Variants in PDCD1LG2 observed in about 807,000 individuals in gnomAD.
PDCD1LG2 encodes programmed cell death 1 ligand 2.
A neutral mutation model predicts 28.2 loss-of-function variants in PDCD1LG2; 32 were observed. That is an observed-to-expected ratio of 1.13 (90% CI 0.86 to 1.52). PDCD1LG2 has a LOEUF of 1.52. Among genes scored for constraint, PDCD1LG2 ranks in the 40% most tolerant of loss-of-function variants. The pLI is 0.00. For synonymous variants in PDCD1LG2, 116 were observed against 120.2 expected, an observed-to-expected ratio of 0.97 and a Z score of 0.23; for missense variants, 385 against 323.8, an observed-to-expected ratio of 1.19 and a Z score of -1.45.
At chr9:5,525,143 T>A (rs181343047) in intron 2 of PDCD1LG2, among the ~76,000 whole-genome samples, 47 of 151,886 alleles carry the variant, frequency 3.1e-4, no homozygotes, top group African/African-American at 1.1e-3. Context: ...AGGTCAGGAG[T>A]TCGAGACCAG....
chr9:5,559,612 C>T (rs115580696), intron 5 of PDCD1LG2, among the ~76,000 whole-genome samples: 4 of 152,274 alleles, frequency 2.6e-5, no homozygotes, highest in African/African-American at 7.2e-5. Flanking sequence ...GCTTATTGGC[C>T]GAACTTCACT....
chr9:5,539,753 G>T (rs1302490259), intron 3 of PDCD1LG2, among the ~76,000 whole-genome samples: 1 of 152,164 alleles, frequency 6.6e-6, no homozygotes, highest in African/African-American at 2.4e-5. Context: ...CTAAAAACAA[G>T]AACACCAAGA....
At chr9:5,562,827 G>A (rs1274325673) in intron 5 of PDCD1LG2, among the ~76,000 whole-genome samples, 1 of 152,188 alleles carries the variant, frequency 6.6e-6, no homozygotes, top group African/African-American at 2.4e-5. Context: ...GCAGGCAGAA[G>A]TAGCAGTCAA....
intron 4 of PDCD1LG2, among the ~76,000 whole-genome samples, chr9:5,551,574 C>A (rs187469723): frequency 6.6e-6 from 1 of 152,310 alleles, no homozygotes; most frequent in East Asian, 1.9e-4. Flanking sequence ...CATTGGTTGA[C>A]AGGAATATGA....
chr9:5,563,955 T>C (rs1816616333), intron 6 of PDCD1LG2, among the ~76,000 whole-genome samples: 2 of 152,168 alleles, frequency 1.3e-5, no homozygotes, highest in South Asian at 2.1e-4. Flanking sequence ...CAAATGATAA[T>C]TACATCTACA....
Position 5,568,293 on chromosome 9 carries a change from A to G in PDCD1LG2, c.817-1661A>G, listed in dbSNP as rs548218813. On this transcript the variant is annotated intron_variant, in intron 6 of 6. Coordinates refer to ENST00000397747, the MANE Select transcript of PDCD1LG2 (RefSeq NM_025239.4). ...TGGCCTGTTAGGAACTGAGCCACACAGCAGGAGGTGAGCGGGAGACAAGCG... is the reference window on the plus strand; with the variant it reads ...TGGCCTGTTAGGAACTGAGCCACACGGCAGGAGGTGAGCGGGAGACAAGCG... 1.6e-4 allele frequency among the ~76,000 whole-genome samples: 24 copies of G among 152,338 alleles called. 1 individual carries two copies. The South Asian group carries it at 4.8e-3, about 30-fold the overall frequency.
intron 3 of PDCD1LG2, among the ~76,000 whole-genome samples, chr9:5,538,793 G>A (rs12344350): frequency 0.05 from 7,567 of 151,860 alleles, 613 homozygotes; most frequent in African/African-American, 0.17. Context: ...GAAGTTATGT[G>A]CACCTTCTTT....
chr9:5,544,778 G>GGTCT (rs1820760307), intron 3 of PDCD1LG2, among the ~76,000 whole-genome samples: 1 of 152,272 alleles, frequency 6.6e-6, no homozygotes, highest in African/African-American at 2.4e-5. Context: ...AGTGCTAAGG[G>GGTCT]GTCTGTTATT....
At chr9:5,548,544 A>C (rs1816258126) in intron 3 of PDCD1LG2, among the ~76,000 whole-genome samples, 1 of 152,198 alleles carries the variant, frequency 6.6e-6, no homozygotes, top group Non-Finnish European at 1.5e-5. Flanking sequence ...TCATGTGGTC[A>C]TTCTATTTTT....
At chr9:5,563,077 A>T (rs1586821490) in intron 5 of PDCD1LG2, 85 bp from the exon 6 acceptor site, 1 of 1,110,324 alleles carries the variant, frequency 9.0e-7, no homozygotes, top group Non-Finnish European at 1.3e-6. Context: ...ATTTAGATTT[A>T]CTTTTTGTCC....
At chr9:5,514,433 T>G (rs1820117348) in intron 1 of PDCD1LG2, among the ~76,000 whole-genome samples, 1 of 152,176 alleles carries the variant, frequency 6.6e-6, no homozygotes, top group Non-Finnish European at 1.5e-5. Flanking sequence ...TACCATCATT[T>G]CTGATCCTCT....
chr9:5,569,291 C>T lies in PDCD1LG2; in HGVS notation c.817-663C>T, dbSNP rs1816725809. Among the ~76,000 whole-genome samples, 1 of 152,108 alleles carries T rather than the reference C, an allele frequency of 6.6e-6. No homozygotes were observed. The highest frequency in any genetic ancestry group is 2.4e-5 in the African/African-American group (1 of 41,410). ...AAGGGATACTGAGCATGCCAGGATG[C>T]AAGAGCAGGCAGGGAAGGTGACTAT... On this transcript the variant is annotated intron_variant, in intron 6 of 6. Transcript: ENST00000397747. This position sits in a 1 kb window ranked among gnomAD's most constrained non-coding sequence, Gnocchi z 4.1.
chr9:5,532,924 T>A lies in PDCD1LG2; in HGVS notation c.56-1821T>A, dbSNP rs914526534. 1.3e-4 allele frequency among the ~76,000 whole-genome samples: 20 copies of A among 152,264 alleles called. No homozygotes were observed. The East Asian group carries it at 3.9e-3, about 29-fold the overall frequency. ...ACTGAGAGGTAGAGTTCAACCTCAT[T>A]TTATAGATAAAGAGGCTGAAGCTCA... On this transcript the variant is annotated intron_variant, in intron 2 of 6. Transcript: ENST00000397747.
intron 2 of PDCD1LG2, among the ~76,000 whole-genome samples, chr9:5,525,815 A>G (rs765311086): frequency 1.2e-4 from 19 of 152,068 alleles, no homozygotes; most frequent in South Asian, 6.2e-4. Flanking sequence ...TTGGGAGGCC[A>G]AGGTGGGCAG....
At chr9:5,559,132 C>T (rs968657017) in intron 5 of PDCD1LG2, among the ~76,000 whole-genome samples, 2 of 152,164 alleles carry the variant, frequency 1.3e-5, no homozygotes, top group African/African-American at 4.8e-5. Flanking sequence ...TGGAGTCACA[C>T]TCAAAGATAG....
chr9:5,526,225 C>T (rs558150562), intron 2 of PDCD1LG2, among the ~76,000 whole-genome samples: 1 of 152,182 alleles, frequency 6.6e-6, no homozygotes, highest in African/African-American at 2.4e-5. Context: ...TTAAAGCTTT[C>T]TGTTGTAAAA....
chr9:5,525,583 T>C (rs1459803717), intron 2 of PDCD1LG2, among the ~76,000 whole-genome samples: 2 of 151,780 alleles, frequency 1.3e-5, no homozygotes, highest in Admixed American at 1.3e-4. Flanking sequence ...TTATATAGCA[T>C]GTAGATAAAT....
intron 2 of PDCD1LG2, among the ~76,000 whole-genome samples, chr9:5,532,683 T>G (rs1820505347): frequency 6.6e-6 from 1 of 152,136 alleles, no homozygotes; most frequent in Non-Finnish European, 1.5e-5. Flanking sequence ...AACCCAAAAG[T>G]TACTTATACT....
chr9:5,529,071 G>C (rs1243923197), intron 2 of PDCD1LG2, among the ~76,000 whole-genome samples: 6 of 152,156 alleles, frequency 3.9e-5, no homozygotes, highest in Admixed American at 1.3e-4. Flanking sequence ...ATCAGATATT[G>C]ATTTTCAAAT....
Sources: gnomAD v4.1 joint callset for allele counts (sites outside exome capture counted in the v4.1 genomes callset) on GRCh38, gnomAD v4.1.1 for gene constraint, Gnocchi (gnomAD v3.1) non-coding constraint, MANE v1.5 for transcripts, NCBI Gene and HGNC (gene_info 2026-07-23, HGNC 2026-07-21) for gene names.